Variants in DIP2B observed in about 807,000 individuals in gnomAD.
DIP2B encodes DIP2 acetate--CoA ligase B (putative), also known as disco-interacting protein 2 homolog B.
DIP2B carries 76 observed loss-of-function variants against 198.0 expected under a neutral mutation model. That is an observed-to-expected ratio of 0.38 (90% CI 0.32 to 0.46). The LOEUF is 0.46. DIP2B is among the 20% of genes least tolerant of loss of function. DIP2B has a pLI of 0.99. For synonymous variants in DIP2B, 701 were observed against 739.1 expected (o/e 0.95, Z 0.84); for missense variants, 1,559 against 1,978.4 (o/e 0.79, Z 4.02).
rs1025718693 is a variant in DIP2B at position 50,660,912 on chromosome 12, T to A, written c.427+593T>A. On this transcript the variant is annotated intron_variant, in intron 4 of 37. Coordinates refer to ENST00000301180, the MANE Select transcript of DIP2B (RefSeq NM_173602.3). ...TAAGAATCTACTTTTTATAACGGGG[T>A]CATGAGATCAGTGAGAACTAGGTAT... 6.6e-5 allele frequency among the ~76,000 whole-genome samples: 10 copies of A among 152,216 alleles called. 1 individual carries two copies. The highest frequency in any genetic ancestry group is 2.6e-4 in the Admixed American group (4 of 15,286).
intron 1 of DIP2B, among the ~76,000 whole-genome samples, chr12:50,513,548 A>G (rs931529510): frequency 3.9e-5 from 6 of 152,224 alleles, no homozygotes; most frequent in Non-Finnish European, 7.3e-5. Flanking sequence ...ACTTGTCCTC[A>G]GTGAACATAT....
At chr12:50,637,721 C>T (rs1938184772) in intron 2 of DIP2B, among the ~76,000 whole-genome samples, 1 of 152,164 alleles carries the variant, frequency 6.6e-6, no homozygotes. Context: ...TATTAGGTTC[C>T]TTGGTTCTCA....
chr12:50,509,626 T>C (rs1465209362), intron 1 of DIP2B, among the ~76,000 whole-genome samples: 2 of 152,186 alleles, frequency 1.3e-5, no homozygotes, highest in Non-Finnish European at 2.9e-5. Flanking sequence ...AAGAGAAGAC[T>C]GCTTCCTAGG....
chr12:50,651,814 C>T (rs151272168), intron 3 of DIP2B, among the ~76,000 whole-genome samples: 1 of 152,148 alleles, frequency 6.6e-6, no homozygotes, highest in African/African-American at 2.4e-5. Context: ...AAGCGATTCT[C>T]CCCGCTCAGC....
Position 50,570,077 on chromosome 12 carries a change from T to G in DIP2B, c.101-55899T>G, listed in dbSNP as rs544193584. Among the ~76,000 whole-genome samples, 5 of 152,270 alleles carry G rather than the reference T, an allele frequency of 3.3e-5. No homozygotes were observed. In the East Asian group the frequency reaches 9.7e-4, roughly 29 times the overall value. On this transcript the variant is annotated intron_variant, in intron 1 of 37. Transcript: ENST00000301180. ...GAGAGATTCACTTGTTTGACTGGGT[T>G]TTGCTGTGTCATGATTGCTTTATCA...
intron 20 of DIP2B, among the ~76,000 whole-genome samples, chr12:50,706,166 A>G (rs1490356884): frequency 1.3e-5 from 2 of 152,214 alleles, no homozygotes; most frequent in African/African-American, 4.8e-5. Flanking sequence ...CAGTAAATGA[A>G]TACATTTTTC....
chr12:50,528,321 G>A (rs1958186220), intron 1 of DIP2B, among the ~76,000 whole-genome samples: 1 of 150,398 alleles, frequency 6.6e-6, no homozygotes, highest in African/African-American at 2.4e-5. Flanking sequence ...TAGGATTGAT[G>A]TGAGCACTGA....
At chr12:50,729,388 C>T (rs1210853990) in intron 30 of DIP2B, among the ~76,000 whole-genome samples, 2 of 152,218 alleles carry the variant, frequency 1.3e-5, no homozygotes, top group East Asian at 3.8e-4. Flanking sequence ...ACATAAGAAT[C>T]ACCTGGGGGT....
At chr12:50,581,424 G>A (rs1488087899) in intron 1 of DIP2B, among the ~76,000 whole-genome samples, 2 of 149,416 alleles carry the variant, frequency 1.3e-5, no homozygotes, top group African/African-American at 2.5e-5. Flanking sequence ...GGTTGGAGGC[G>A]CCCAATAGGA....
At chr12:50,639,090 A>ATTTT (rs5798145) in intron 2 of DIP2B, among the ~76,000 whole-genome samples, 16 of 139,170 alleles carry the variant, frequency 1.1e-4, no homozygotes, top group Admixed American at 2.9e-4. Context: ...AGTCTCCACA[A>ATTTT]TTTTTTTTTT....
chr12:50,710,856 A>C (rs1238639239), intron 22 of DIP2B, among the ~76,000 whole-genome samples: 1 of 152,236 alleles, frequency 6.6e-6, no homozygotes, highest in Non-Finnish European at 1.5e-5. Flanking sequence ...GTCAGGAAAG[A>C]CTATGAAGAA....
rs2139601817 is a variant in DIP2B at position 50,735,196 on chromosome 12, C to T, written c.4101+66C>T. ...GAGAAGTGGTTCAGTTTAAAGAAAC[C>T]AGAAGCCATATAATATATTAGTGTC... On this transcript the variant is annotated intron_variant, in intron 34 of 37. Transcript: ENST00000301180. 1.9e-6 allele frequency: 3 copies of T among 1,567,690 alleles called. No homozygotes were observed. The South Asian group carries it at 3.3e-5, about 17-fold the overall frequency.
chr12:50,531,604 A>C (rs891802202), intron 1 of DIP2B, among the ~76,000 whole-genome samples: 1 of 152,186 alleles, frequency 6.6e-6, no homozygotes, highest in Non-Finnish European at 1.5e-5. Flanking sequence ...AGTAGGGTTT[A>C]GGGACAGGGT....
chr12:50,531,763 A>G (rs973035209), intron 1 of DIP2B, among the ~76,000 whole-genome samples: 1 of 152,188 alleles, frequency 6.6e-6, no homozygotes, highest in Admixed American at 6.5e-5. Flanking sequence ...GGATATATAC[A>G]CATTCATCTG....
rs560808125 is a variant in DIP2B at position 50,696,970 on chromosome 12, A to T, written c.1934-91A>T. The T allele has an allele frequency of 9.4e-5, 87 of 928,690 alleles. 2 individuals are homozygous for T. In the South Asian group the frequency reaches 1.1e-3, roughly 12 times the overall value. The allele number at this position is 928,690 out of a possible 1,614,324, so 57.5% of individuals were successfully genotyped here. A position where few individuals can be genotyped will look rare whatever the true frequency, so the allele number is the denominator to read the frequency against. On this transcript the variant is annotated intron_variant, in intron 16 of 37. Coordinates refer to ENST00000301180, the MANE Select transcript of DIP2B (RefSeq NM_173602.3). Reference sequence around the variant, plus strand: ...TATACAATATGAGTTCTCATGAGAAATAAGTATGTCAGCTTTCTATTCTTT... The same window carrying T: ...TATACAATATGAGTTCTCATGAGAATTAAGTATGTCAGCTTTCTATTCTTT...
intron 1 of DIP2B, among the ~76,000 whole-genome samples, chr12:50,547,500 C>CA (rs932580100): frequency 7.9e-5 from 12 of 152,078 alleles, no homozygotes; most frequent in African/African-American, 2.7e-4. Context: ...AAGATGGAAA[C>CA]AACTTAAACA....
chr12:50,630,665 T>TTC lies in DIP2B; in HGVS notation c.172+4619_172+4620insCT, dbSNP rs200657877. Among the ~76,000 whole-genome samples the TTC allele has an allele frequency of 7.6e-3, 203 of 26,868 alleles. 1 individual carries two copies. Among genetic ancestry groups the TTC allele is most frequent in the East Asian group, 0.052 (100 of 1,924 alleles). 17.6% of individuals were successfully genotyped at this position (26,868 alleles called of 152,430 possible). A position where few individuals can be genotyped will look rare whatever the true frequency, so the allele number is the denominator to read the frequency against. ...GATCACCACGAATTCTTTCTTTTCT[T>TTC]TTTTTTTTTTTTTTTTTTTTTTTGA... On this transcript the variant is annotated intron_variant, in intron 2 of 37. Coordinates refer to ENST00000301180, the MANE Select transcript of DIP2B (RefSeq NM_173602.3).
chr12:50,722,237 T>TTG (rs1939850631), intron 26 of DIP2B, among the ~76,000 whole-genome samples: 1 of 135,934 alleles, frequency 7.4e-6, no homozygotes, highest in Non-Finnish European at 1.5e-5. Context: ...TGTGATTTTT[T>TTG]TTTGTTTGTT....
At chr12:50,697,303 C>A (rs1939330229) in intron 17 of DIP2B, 128 bp downstream of exon 17, 3 of 766,696 alleles carry the variant, frequency 3.9e-6, no homozygotes, top group Non-Finnish European at 6.1e-6. Flanking sequence ...TCATTTTTCC[C>A]ACTCTTGCTC....
Sources: allele counts gnomAD v4.1 joint callset (sites outside exome capture counted in the v4.1 genomes callset), GRCh38; gene constraint gnomAD v4.1.1; transcripts MANE v1.5; gene names NCBI Gene and HGNC (gene_info 2026-07-23, HGNC 2026-07-21).